The following GOT2 variants were observed in gnomAD, a reference collection of about 807,000 sequenced individuals.
GOT2 encodes glutamic-oxaloacetic transaminase 2, also known as aspartate aminotransferase, mitochondrial.
Under a neutral mutation model 50.0 loss-of-function variants are expected in GOT2, and 17 were observed. That is an observed-to-expected ratio of 0.34 (90% CI 0.23 to 0.51). The LOEUF is 0.51. GOT2 is among the 20% of genes least tolerant of loss of function. The pLI is 0.97. For synonymous variants in GOT2, 172 were observed against 204.9 expected (o/e 0.84, Z 1.37); for missense variants, 430 against 559.6 (o/e 0.77, Z 2.34).
intron 8 of GOT2, among the ~76,000 whole-genome samples, chr16:58,713,736 C>T (rs1291425851): frequency 6.6e-6 from 1 of 152,188 alleles, no homozygotes; most frequent in Non-Finnish European, 1.5e-5. Flanking sequence ...TATAACAAAT[C>T]ACACCTTCCA....
intron 1 of GOT2, among the ~76,000 whole-genome samples, chr16:58,726,150 A>G (rs1019342238): frequency 2.6e-5 from 4 of 152,218 alleles, no homozygotes; most frequent in Non-Finnish European, 5.9e-5. Context: ...TTTAAATATG[A>G]AAGAGCATAT....
intron 8 of GOT2, among the ~76,000 whole-genome samples, chr16:58,711,716 C>G (rs1294863716): frequency 6.6e-6 from 1 of 152,170 alleles, no homozygotes; most frequent in Non-Finnish European, 1.5e-5. Flanking sequence ...CCCCTGGCCC[C>G]TCCAGTTATG....
chr16:58,710,610 G>A (rs1478202966), intron 8 of GOT2, among the ~76,000 whole-genome samples: 9 of 151,958 alleles, frequency 5.9e-5, no homozygotes, highest in East Asian at 1.9e-4. Context: ...GGCGGGGCAC[G>A]GTGGCTCACG....
intron 3 of GOT2, 87 bp downstream of exon 3, chr16:58,722,063 A>T: frequency 2.1e-6 from 3 of 1,453,104 alleles, no homozygotes; most frequent in Middle Eastern, 2.5e-4. Context: ...TACAGGCGTG[A>T]GCCATCGCGC....
chr16:58,708,233 C>T lies in GOT2; in HGVS notation c.1231G>A (p.Ala411Thr), dbSNP rs751574718. ...CCCACGTTGCTGGAGGTGACCCCTG[C>T]CACAGAGATGCGGCCATCTTTTGTC... ...YMTKDGRISV[A>T]GVTSSNVGYL... Residue 411 changes from alanine (A) to threonine (T), a missense_variant, in exon 10 of 10, where the codon GCA becomes ACA. Ala to Thr is a moderately conservative substitution (Grantham distance 58). Transcript: ENST00000245206. 29 of 1,614,100 alleles carry T rather than the reference C, an allele frequency of 1.8e-5. No individual in the cohort carries two copies. The highest frequency in any genetic ancestry group is 2.1e-5 in the Non-Finnish European group (25 of 1,179,972).
At chr16:58,729,671 T>C (rs1036065363) in intron 1 of GOT2, among the ~76,000 whole-genome samples, 3 of 152,096 alleles carry the variant, frequency 2.0e-5, no homozygotes, top group South Asian at 2.1e-4. Context: ...ATGTTAAGCA[T>C]AGAAACTCAG....
chr16:58,721,729 T>G (rs1369967221), intron 3 of GOT2: 1 of 152,948 alleles, frequency 6.5e-6, no homozygotes, highest in East Asian at 1.9e-4. Context: ...TAGTGTGGCC[T>G]CCTCAAAACA....
intron 1 of GOT2, among the ~76,000 whole-genome samples, chr16:58,730,857 C>T (rs1331599706): frequency 1.3e-5 from 2 of 152,086 alleles, no homozygotes; most frequent in Non-Finnish European, 2.9e-5. Context: ...AACCTGTGAC[C>T]TAGAAAGTGA....
chr16:58,724,946 A>G (rs1164997367), intron 1 of GOT2, among the ~76,000 whole-genome samples: 1 of 152,174 alleles, frequency 6.6e-6, no homozygotes, highest in African/African-American at 2.4e-5. Flanking sequence ...GCATGTCTCC[A>G]TAAGCTCCTC....
chr16:58,721,942 G>T, intron 3 of GOT2: 1 of 406,488 alleles, frequency 2.5e-6, no homozygotes, highest in South Asian at 3.3e-5. Flanking sequence ...CACCATGCCC[G>T]GCTAATTTTG....
intron 9 of GOT2, among the ~76,000 whole-genome samples, chr16:58,708,626 G>GA (rs11348341): frequency 1.2e-4 from 18 of 144,130 alleles, no homozygotes; most frequent in East Asian, 6.3e-4. Flanking sequence ...CTCAAAAAAA[G>GA]AAAAAAAAAA....
intron 4 of GOT2, 93 bp from the exon 5 acceptor site, chr16:58,718,781 G>A (rs2152095320): frequency 4.8e-6 from 5 of 1,033,040 alleles, no homozygotes; most frequent in Non-Finnish European, 7.0e-6. Context: ...TTTCTCTGCT[G>A]AAACCCAGTT....
At chr16:58,720,870 G>GCCACTGC (rs2044735223) in intron 3 of GOT2, among the ~76,000 whole-genome samples, 1 of 152,108 alleles carries the variant, frequency 6.6e-6, no homozygotes, top group South Asian at 2.1e-4. Context: ...ACAGGAGTGA[G>GCCACTGC]CCACTGCGCC....
intron 3 of GOT2, 121 bp from the exon 4 acceptor site, chr16:58,719,376 G>A: frequency 3.1e-6 from 2 of 647,406 alleles, no homozygotes; most frequent in South Asian, 1.9e-5. Flanking sequence ...TGGCCTGTCA[G>A]TATCATTTCA....
At chr16:58,723,982 C>G in intron 1 of GOT2, 80 bp from the exon 2 acceptor site, 1 of 1,309,158 alleles carries the variant, frequency 7.6e-7, no homozygotes, top group Non-Finnish European at 1.1e-6. Flanking sequence ...GAGATAGACT[C>G]TTGCTCTGTT....
In GOT2 at chr16:58,734,299, C is replaced by T. The variant is rs2152100406; in HGVS notation, c.-71G>A. ...GGCGAGCGGACACACACACAGGGAA[C>T]CGGCTCCTGCTGAAGGTAAGGACAG... On this transcript the variant is annotated 5_prime_UTR_variant, in exon 1 of 10. Transcript: ENST00000245206. The T allele has an allele frequency of 2.4e-6, 2 of 818,938 alleles. No individual in the cohort carries two copies. Among genetic ancestry groups the T allele is most frequent in the African/African-American group, 1.8e-5 (1 of 56,870 alleles). 50.7% of individuals were successfully genotyped at this position (818,938 alleles called of 1,614,324 possible).
chr16:58,727,440 C>A (rs1270887315), intron 1 of GOT2, among the ~76,000 whole-genome samples: 1 of 151,288 alleles, frequency 6.6e-6, no homozygotes, highest in African/African-American at 2.4e-5. Context: ...CTTGCCAGAA[C>A]ACTTTTCTAG....
chr16:58,726,632 C>A (rs1047267429), intron 1 of GOT2, among the ~76,000 whole-genome samples: 5 of 151,686 alleles, frequency 3.3e-5, no homozygotes, highest in African/African-American at 1.2e-4. Context: ...GCTGGGATTA[C>A]AGATGTGTGC....
intron 8 of GOT2, among the ~76,000 whole-genome samples, chr16:58,712,113 A>G: frequency 6.6e-6 from 1 of 151,872 alleles, no homozygotes; most frequent in African/African-American, 2.4e-5. Context: ...CCCCTCTTTA[A>G]TGCACAGCTC....
Sources: gnomAD v4.1 joint callset for allele counts (sites outside exome capture counted in the v4.1 genomes callset) on GRCh38, gnomAD v4.1.1 for gene constraint, MANE v1.5 for transcripts, NCBI Gene and HGNC (gene_info 2026-07-23, HGNC 2026-07-21) for gene names.